Variants in CCDC178 observed in about 807,000 individuals in gnomAD.
CCDC178 encodes coiled-coil domain containing 178.
Under a neutral mutation model 117.4 loss-of-function variants are expected in CCDC178, and 126 were observed. That is an observed-to-expected ratio of 1.07 (90% CI 0.93 to 1.24). CCDC178 has a LOEUF of 1.24. Among genes scored for constraint, CCDC178 ranks in the 50% most tolerant of loss-of-function variants. The probability of loss-of-function intolerance (pLI) is 0.00; values close to 1 mark genes in which losing one functional copy is unlikely to be tolerated. For synonymous variants in CCDC178, 283 were observed against 313.4 expected (o/e 0.90, Z 1.02); for missense variants, 1,030 against 986.9 (o/e 1.04, Z -0.59).
intron 7 of CCDC178, among the ~76,000 whole-genome samples, chr18:33,349,550 G>A (rs915454065): frequency 2.0e-5 from 3 of 151,764 alleles, no homozygotes; most frequent in African/African-American, 7.2e-5. Context: ...TTCCTTTCTA[G>A]CTAAAATTCT....
intron 2 of CCDC178, among the ~76,000 whole-genome samples, chr18:33,431,085 A>G (rs559616659): frequency 6.6e-6 from 1 of 151,680 alleles, no homozygotes; most frequent in East Asian, 1.9e-4. Flanking sequence ...AAAAAAAAAA[A>G]AAAAAAAGAA....
intron 21 of CCDC178, among the ~76,000 whole-genome samples, chr18:32,998,181 G>C (rs545369560): frequency 6.6e-6 from 1 of 152,336 alleles, no homozygotes; most frequent in Admixed American, 6.5e-5. Flanking sequence ...GAGGCAGAGT[G>C]ATTGTGGGAC....
chr18:33,019,312 A>G (rs2056063767), intron 21 of CCDC178, among the ~76,000 whole-genome samples: 1 of 152,238 alleles, frequency 6.6e-6, no homozygotes, highest in Non-Finnish European at 1.5e-5. Flanking sequence ...GAATTGATAA[A>G]AAGAACCATT....
chr18:33,438,712 CTATATCAT>C (rs2064328948), intron 2 of CCDC178, among the ~76,000 whole-genome samples: 1 of 152,070 alleles, frequency 6.6e-6, no homozygotes, highest in Non-Finnish European at 1.5e-5. Context: ...AATTCTCTCC[CTATATCAT>C]TACCTCAATA....
At chr18:33,430,613 C>A (rs1278610663) in intron 2 of CCDC178, among the ~76,000 whole-genome samples, 2 of 152,092 alleles carry the variant, frequency 1.3e-5, no homozygotes, top group African/African-American at 4.8e-5. Context: ...TGGATCCCTA[C>A]GCCACTCCTT....
At chr18:33,085,673 T>C (rs574859184) in intron 21 of CCDC178, among the ~76,000 whole-genome samples, 1 of 152,302 alleles carries the variant, frequency 6.6e-6, no homozygotes, top group East Asian at 1.9e-4. Context: ...CACATATTAG[T>C]GCTTCATAAA....
chr18:33,065,565 T>A (rs1030885218), intron 21 of CCDC178, among the ~76,000 whole-genome samples: 6 of 152,148 alleles, frequency 3.9e-5, no homozygotes, highest in African/African-American at 9.7e-5. Flanking sequence ...AAGATATACA[T>A]GTTCAGATAC....
Position 33,157,169 on chromosome 18 carries a change from A to G in CCDC178, c.2238+54727T>C, listed in dbSNP as rs528017715. Among the ~76,000 whole-genome samples, 99 of 152,340 alleles carry G rather than the reference A, an allele frequency of 6.5e-4. No individual in the cohort carries two copies. The South Asian group carries it at 0.012, about 18-fold the overall frequency. ...AATGTTTCAAAGAGTACCAGAATAC[A>G]GTAGTATTTCTTTCCTCTCAGATAC... On this transcript the variant is annotated intron_variant, in intron 20 of 22. Coordinates refer to ENST00000383096, the MANE Select transcript of CCDC178 (RefSeq NM_001105528.4).
At chr18:33,200,368 C>T (rs138634761) in intron 20 of CCDC178, among the ~76,000 whole-genome samples, 20 of 152,258 alleles carry the variant, frequency 1.3e-4, no homozygotes, top group African/African-American at 4.1e-4. Context: ...AACACTAATG[C>T]GAAACAGCAG....
chr18:33,096,929 T>C (rs2057551297), intron 20 of CCDC178, among the ~76,000 whole-genome samples: 1 of 152,118 alleles, frequency 6.6e-6, no homozygotes. Flanking sequence ...TCTGAGACTT[T>C]ATATTATTAT....
chr18:33,428,730 C>CAAAAAAA (rs35234261), intron 2 of CCDC178, among the ~76,000 whole-genome samples: 7 of 42,136 alleles, frequency 1.7e-4, no homozygotes, highest in East Asian at 7.6e-4. Flanking sequence ...GACTCTGTCT[C>CAAAAAAA]AAAAAAAAAA....
intron 11 of CCDC178, among the ~76,000 whole-genome samples, chr18:33,301,767 A>C (rs1260638617): frequency 6.6e-6 from 1 of 152,190 alleles, no homozygotes; most frequent in African/African-American, 2.4e-5. Flanking sequence ...TGCCTATACT[A>C]CCATTGCATC....
intron 21 of CCDC178, among the ~76,000 whole-genome samples, chr18:33,087,766 G>C (rs1215206406): frequency 6.6e-6 from 1 of 152,162 alleles, no homozygotes; most frequent in Admixed American, 6.6e-5. Context: ...TCAAAGCACA[G>C]TTATATGGTG....
chr18:33,243,371 T>A (rs1254301025), intron 15 of CCDC178, among the ~76,000 whole-genome samples: 1 of 151,820 alleles, frequency 6.6e-6, no homozygotes, highest in African/African-American at 2.4e-5. Context: ...ATAATATACA[T>A]TTTCAAATAG....
intron 10 of CCDC178, among the ~76,000 whole-genome samples, chr18:33,332,664 C>A (rs1453548938): frequency 6.6e-6 from 1 of 152,104 alleles, no homozygotes; most frequent in African/African-American, 2.4e-5. Flanking sequence ...CAACCTCAAC[C>A]TCCAGGGGTC....
rs927227797 is a variant in CCDC178 at position 33,043,468 on chromosome 18, T to G, written c.2388+49293A>C. On this transcript the variant is annotated intron_variant, in intron 21 of 22. Transcript: ENST00000383096. ...TGGTATTGGGCAGTTACTTTACTACTTTATGCTTCTGAAAAAGGCACTTAC... is the reference window on the plus strand; with the variant it reads ...TGGTATTGGGCAGTTACTTTACTACGTTATGCTTCTGAAAAAGGCACTTAC... 2.0e-5 allele frequency among the ~76,000 whole-genome samples: 3 copies of G among 152,106 alleles called. No homozygotes were observed. The East Asian group carries it at 5.8e-4, about 29-fold the overall frequency.
intron 20 of CCDC178, among the ~76,000 whole-genome samples, chr18:33,188,204 G>A (rs2058818319): frequency 6.6e-6 from 1 of 152,060 alleles, no homozygotes; most frequent in Non-Finnish European, 1.5e-5. Context: ...ATGCAGGATA[G>A]GGTAATGTTC....
At chr18:33,309,549 G>C (rs973450685) in intron 11 of CCDC178, among the ~76,000 whole-genome samples, 1 of 152,020 alleles carries the variant, frequency 6.6e-6, no homozygotes, top group Non-Finnish European at 1.5e-5. Flanking sequence ...AATTAAAAAG[G>C]GGTTATAACA....
Position 33,128,238 on chromosome 18 carries a change from A to G in CCDC178, c.2239-35328T>C, listed in dbSNP as rs767536164. Among the ~76,000 whole-genome samples the G allele has an allele frequency of 2.6e-5, 4 of 152,212 alleles. 1 individual carries two copies. Among genetic ancestry groups the G allele is most frequent in the Non-Finnish European group, 5.9e-5 (4 of 68,034 alleles). On this transcript the variant is annotated intron_variant, in intron 20 of 22. Coordinates refer to ENST00000383096, the MANE Select transcript of CCDC178 (RefSeq NM_001105528.4). The stretch of plus-strand genomic sequence containing the variant: ...TTGTCAATCCTTGGCATCTGCACTG[A>G]GTAAAAGTAAATATGATTGTTAAAA...
Sources: gnomAD v4.1 joint callset for allele counts (sites outside exome capture counted in the v4.1 genomes callset) on GRCh38, gnomAD v4.1.1 for gene constraint, MANE v1.5 for transcripts, NCBI Gene and HGNC (gene_info 2026-07-23, HGNC 2026-07-21) for gene names.